Variants in ADRA1A observed in about 807,000 individuals in gnomAD.
ADRA1A encodes the protein alpha-1A adrenergic receptor.
Under a neutral mutation model 29.6 loss-of-function variants are expected in ADRA1A, and 31 were observed. The observed-to-expected ratio is 1.05, with a 90% confidence interval of 0.79 to 1.41. The LOEUF (loss-of-function observed/expected upper bound fraction) is 1.41, where lower values mean the gene tolerates loss of function less well. Ranked by LOEUF, ADRA1A falls within the 40% of genes most tolerant of loss-of-function variation. ADRA1A has a pLI of 0.00. For synonymous variants in ADRA1A, 311 were observed against 254.3 expected, an observed-to-expected ratio of 1.22 and a Z score of -2.12; for missense variants, 619 against 601.1, an observed-to-expected ratio of 1.03 and a Z score of -0.31.
chr8:26,760,212 G>T lies in ADRA1A; in HGVS notation c.1270-3433C>A, dbSNP rs185560091. ...AGGGAACACTGTGAGGCAATACAAG[G>T]GTCTTGGGTTGGGTGATTAAGTGGA... On this transcript the variant is annotated intron_variant, in intron 2 of 2. Transcript: ENST00000380582. Among the ~76,000 whole-genome samples the T allele has an allele frequency of 1.4e-3, 220 of 152,322 alleles. No individual in the cohort carries two copies. The Middle Eastern group carries it at 0.02, about 14-fold the overall frequency.
chr8:26,779,464 G>A (rs58623861), intron 2 of ADRA1A: 174,767 of 693,900 alleles, frequency 0.25, 23,215 homozygotes, highest in Middle Eastern at 0.36. Flanking sequence ...AGTAATTGAT[G>A]CTACCCCTTC....
rs192117762 is a variant in ADRA1A at position 26,758,043 on chromosome 8, G to T, written c.1270-1264C>A. Among the ~76,000 whole-genome samples, 13 of 152,316 alleles carry T rather than the reference G, an allele frequency of 8.5e-5. No homozygotes were observed. In the East Asian group the frequency reaches 2.5e-3, roughly 29 times the overall value. ...GGGCTGTCTACAATTCAGAGAGCTT[G>T]GTGGAAATCTTCAAAGTAGTGTAGT... On this transcript the variant is annotated intron_variant, in intron 2 of 2. Coordinates refer to the ADRA1A transcript ENST00000380582.
At chr8:26,760,402 A>G (rs548260747) in intron 2 of ADRA1A, among the ~76,000 whole-genome samples, 1 of 152,326 alleles carries the variant, frequency 6.6e-6, no homozygotes, top group South Asian at 2.1e-4. Flanking sequence ...GAGAGCTTTT[A>G]GCAGGGCCTG....
At chr8:26,834,915 C>T (rs1811238814) in intron 2 of ADRA1A, among the ~76,000 whole-genome samples, 1 of 152,162 alleles carries the variant, frequency 6.6e-6, no homozygotes. Flanking sequence ...ACCAAGCTCT[C>T]AAATCATCGT....
At chr8:26,807,797 A>T (rs1442546433) in intron 2 of ADRA1A, among the ~76,000 whole-genome samples, 1 of 152,126 alleles carries the variant, frequency 6.6e-6, no homozygotes, top group African/African-American at 2.4e-5. Context: ...AGTACTGAGC[A>T]AGAGACACAC....
At position 26,846,498 on chromosome 8, in the gene ADRA1A, G is replaced by A. The variant is rs187063792; in HGVS notation, c.883+17589C>T. 1.4e-3 allele frequency among the ~76,000 whole-genome samples: 220 copies of A among 152,348 alleles called. 1 individual carries two copies. The highest frequency in any genetic ancestry group is 2.7e-3 in the Non-Finnish European group (184 of 68,036). ...AGAAAGAGATCTTGGGCCAGGCGCA[G>A]TGGCTCATGCCTGTAATCCTAGCAC... is the stretch of plus-strand genomic sequence containing the variant. On this transcript the variant is annotated intron_variant, in intron 2 of 2. Coordinates refer to ENST00000380573, the MANE Select transcript of ADRA1A (RefSeq NM_000680.4).
At chr8:26,863,331 T>A (rs1813620847) in intron 2 of ADRA1A, among the ~76,000 whole-genome samples, 1 of 152,214 alleles carries the variant, frequency 6.6e-6, no homozygotes, top group Non-Finnish European at 1.5e-5. Flanking sequence ...AAAATTGGAT[T>A]TGTAACATTA....
At chr8:26,772,057 G>T in intron 2 of ADRA1A, 1 of 164,440 alleles carries the variant, frequency 6.1e-6, no homozygotes, top group Admixed American at 5.8e-5. Context: ...TGTGGCCTAG[G>T]CCGAGAAGAA....
intron 2 of ADRA1A, among the ~76,000 whole-genome samples, chr8:26,782,564 G>C (rs1402991704): frequency 6.6e-6 from 1 of 152,136 alleles, no homozygotes; most frequent in Non-Finnish European, 1.5e-5. Context: ...TCTCAGCTTT[G>C]CTTGCAAGAG....
chr8:26,773,902 C>T (rs753810276), intron 2 of ADRA1A, among the ~76,000 whole-genome samples: 4 of 152,168 alleles, frequency 2.6e-5, no homozygotes, highest in Non-Finnish European at 5.9e-5. Context: ...TCCTGGCCTC[C>T]CCCTCTCTGT....
At position 26,848,071 on chromosome 8, in the gene ADRA1A, C is replaced by T. The variant is rs559214995; in HGVS notation, c.883+16016G>A. Among the ~76,000 whole-genome samples the T allele has an allele frequency of 6.6e-6, 1 of 152,342 alleles. No individual in the cohort carries two copies. The highest frequency in any genetic ancestry group is 2.1e-4 in the South Asian group (1 of 4,832). ...GAGTGCAGAGCAAAGGGCAGGACCA[C>T]GTGTGATTCCAGGGCTTTTAACTGT... is the stretch of plus-strand genomic sequence containing the variant. On this transcript the variant is annotated intron_variant, in intron 2 of 2. Coordinates refer to ENST00000380573, the MANE Select transcript of ADRA1A (RefSeq NM_000680.4). This position sits in a 1 kb window ranked among gnomAD's most constrained non-coding sequence, Gnocchi z 4.3.
chr8:26,845,215 T>C (rs976575248), intron 2 of ADRA1A, among the ~76,000 whole-genome samples: 1 of 152,182 alleles, frequency 6.6e-6, no homozygotes, highest in African/African-American at 2.4e-5. Context: ...ATCCAGAATA[T>C]ATTAATAACC....
chr8:26,850,951 G>C (rs976041015), intron 2 of ADRA1A, among the ~76,000 whole-genome samples: 1 of 152,116 alleles, frequency 6.6e-6, no homozygotes, highest in Non-Finnish European at 1.5e-5. Flanking sequence ...TCAATTACAG[G>C]GCATGGCCAA....
chr8:26,786,280 G>A (rs7832320), intron 2 of ADRA1A, among the ~76,000 whole-genome samples: 50,997 of 151,244 alleles, frequency 0.34, 9,922 homozygotes, highest in East Asian at 0.84. Context: ...TCTCACCCAG[G>A]CTGGAGTGTA....
In ADRA1A at chr8:26,770,161, C is replaced by G. The variant is rs765357565; in HGVS notation, c.1389G>C (p.Gly463=). ...CATCTTTCCTGTCCTAGACTTCCTC[C>G]CCGTTCTCACTGAGGGAGATGGTGT... ...KVHTISLSEN[G]EEV Residue 463 remains glycine, a synonymous_variant, in exon 3 of 3, where the codon GGG becomes GGC. Coordinates refer to ENST00000380573, the MANE Select transcript of ADRA1A (RefSeq NM_000680.4). The G allele has an allele frequency of 1.9e-6, 3 of 1,553,238 alleles. No homozygotes were observed. Among genetic ancestry groups the G allele is most frequent in the Non-Finnish European group, 1.7e-6 (2 of 1,148,688 alleles).
At position 26,864,202 on chromosome 8, in the gene ADRA1A, G is replaced by A. The variant is rs569147612; in HGVS notation, c.768C>T (p.His256=). ...AGAACTTGAGGAGCCTCACTGAGAA[G>A]TGCGTCTTGGTCTTGGCGCTGGCCA... ...SGMASAKTKT[H]FSVRLLKFSR... The change falls in exon 2 of 3, where the codon CAC becomes CAT. Residue 256 remains histidine, a synonymous_variant. Transcript: ENST00000380573. The surrounding 1 kb of genome is among the most constrained non-coding windows in gnomAD (Gnocchi z 8.1). The A allele has an allele frequency of 6.2e-7, 1 of 1,614,092 alleles. No homozygotes were observed. The highest frequency in any genetic ancestry group is 8.5e-7 in the Non-Finnish European group (1 of 1,180,058).
At chr8:26,788,362 T>C (rs994396971) in intron 2 of ADRA1A, among the ~76,000 whole-genome samples, 3 of 152,166 alleles carry the variant, frequency 2.0e-5, no homozygotes, top group Non-Finnish European at 2.9e-5. Context: ...TTCTATCACA[T>C]CTGGCACTTT....
At chr8:26,830,224 C>G (rs1441198570) in intron 2 of ADRA1A, among the ~76,000 whole-genome samples, 3 of 152,230 alleles carry the variant, frequency 2.0e-5, no homozygotes, top group Non-Finnish European at 4.4e-5. Flanking sequence ...GGTAGACACA[C>G]AGGACTGGTA....
At chr8:26,783,784 G>A (rs1807168572) in intron 2 of ADRA1A, among the ~76,000 whole-genome samples, 1 of 152,134 alleles carries the variant, frequency 6.6e-6, no homozygotes, top group African/African-American at 2.4e-5. Context: ...CAACCCAAAT[G>A]CCCATCAATG....
Sources: allele counts gnomAD v4.1 joint callset (sites outside exome capture counted in the v4.1 genomes callset), GRCh38; gene constraint gnomAD v4.1.1; non-coding constraint Gnocchi (gnomAD v3.1); transcripts MANE v1.5; gene names NCBI Gene and HGNC (gene_info 2026-07-23, HGNC 2026-07-21).